LYN: variants seen among roughly 807,000 people sequenced by gnomAD.
The protein encoded by LYN is tyrosine-protein kinase Lyn.
Under a neutral mutation model 65.0 loss-of-function variants are expected in LYN, and 12 were observed. The ratio of observed to expected loss-of-function variants is 0.18; its 90% CI spans 0.12 to 0.30. The LOEUF (loss-of-function observed/expected upper bound fraction) is 0.30. Ranked by LOEUF, LYN falls within the 10% of genes least tolerant of loss-of-function variation. The pLI is 1.00. For missense variants in LYN, 380 were observed against 623.2 expected (o/e 0.61, Z 4.16); for synonymous variants, 222 against 221.2 (o/e 1.00, Z -0.03).
intron 1 of LYN, among the ~76,000 whole-genome samples, chr8:55,897,296 C>T (rs760178002): frequency 3.2e-4 from 48 of 152,118 alleles, no homozygotes; most frequent in Non-Finnish European, 5.7e-4. Flanking sequence ...AACAGTAAAG[C>T]TTTCTCTGTT....
At chr8:55,947,550 C>A in intron 3 of LYN, 68 bp from the exon 4 acceptor site, 1 of 1,078,930 alleles carries the variant, frequency 9.3e-7, no homozygotes, top group Non-Finnish European at 1.4e-6. Flanking sequence ...TCCTTTGTGC[C>A]CCATGAGGTT....
chr8:55,949,669 A>G (rs1806886331), intron 4 of LYN, among the ~76,000 whole-genome samples: 1 of 152,224 alleles, frequency 6.6e-6, no homozygotes, highest in Admixed American at 6.5e-5. Flanking sequence ...CATATCCATC[A>G]TCTGGAACAT....
chr8:55,918,327 G>A (rs1273003362), intron 1 of LYN, among the ~76,000 whole-genome samples: 3 of 152,154 alleles, frequency 2.0e-5, no homozygotes, highest in South Asian at 2.1e-4. Context: ...CCATGCAGAA[G>A]CCTATGTGTT....
intron 1 of LYN, among the ~76,000 whole-genome samples, chr8:55,898,132 C>T (rs1009566628): frequency 6.6e-6 from 1 of 150,858 alleles, no homozygotes; most frequent in Non-Finnish European, 1.5e-5. Context: ...CACCCTCCCC[C>T]CAAAAAAAAA....
chr8:56,009,977 C>T lies in LYN; in HGVS notation c.1406C>T (p.Pro469Leu). The part of the protein sequence containing the change: ...GYRMPRVENC[P>L]DELYDIMKMC... ...AGGATGCCCCGTGTGGAGAACTGCC[C>T]AGATGAGCTCTATGACATTATGAAA... The change falls in exon 13 of 13, where the codon CCA becomes CTA. Residue 469 changes from proline to leucine, a missense_variant. Physicochemically the swap from Pro to Leu is moderately conservative, Grantham distance 98 (BLOSUM62 -3). Transcript: ENST00000519728. 6.2e-7 allele frequency: 1 copy of T among 1,614,002 alleles called. No individual in the cohort carries two copies. Among genetic ancestry groups the T allele is most frequent in the Non-Finnish European group, 8.5e-7 (1 of 1,179,930 alleles).
intron 2 of LYN, among the ~76,000 whole-genome samples, chr8:55,942,309 GTGTATATA>G (rs1806634967): frequency 6.9e-6 from 1 of 145,194 alleles, no homozygotes; most frequent in African/African-American, 2.6e-5. Flanking sequence ...GTGTATATAT[GTGTATATA>G]TGTATATATA....
At chr8:55,932,671 C>T (rs1249476031) in intron 1 of LYN, among the ~76,000 whole-genome samples, 14 of 152,092 alleles carry the variant, frequency 9.2e-5, no homozygotes, top group African/African-American at 2.7e-4. Context: ...TCCTCCTGCC[C>T]GGGCCTCCCA....
At chr8:55,890,670 G>A (rs1804931271) in intron 1 of LYN, among the ~76,000 whole-genome samples, 1 of 151,788 alleles carries the variant, frequency 6.6e-6, no homozygotes, top group South Asian at 2.1e-4. Context: ...CCAAGAATTA[G>A]AAGTAACTCA....
intron 12 of LYN, among the ~76,000 whole-genome samples, chr8:56,002,547 AGCCAAGATT>A (rs1188313256): frequency 6.6e-6 from 1 of 151,726 alleles, no homozygotes; most frequent in African/African-American, 2.4e-5. Flanking sequence ...GGTTGCAGTG[AGCCAAGATT>A]GCACCACTGC....
At chr8:55,895,599 G>C (rs1172725554) in intron 1 of LYN, 1 of 152,074 alleles carries the variant, frequency 6.6e-6, no homozygotes, top group African/African-American at 2.4e-5. Flanking sequence ...AGACCAGGCT[G>C]GGCATCATAG....
Position 56,010,113 on chromosome 8 carries a change from C to T in LYN, c.*3C>T. ...GGCAATACCAGCAGCAGCCTTAGAG[C>T]ACAGGGAGACCCGTCCATTTGGCAG... is the stretch of plus-strand genomic sequence containing the variant. On this transcript the variant is annotated 3_prime_UTR_variant, in exon 13 of 13. Coordinates refer to ENST00000519728, the MANE Select transcript of LYN (RefSeq NM_002350.4). The T allele has an allele frequency of 6.2e-7, 1 of 1,614,034 alleles. No homozygotes were observed.
At chr8:55,958,180 T>C (rs1807175177) in intron 8 of LYN, among the ~76,000 whole-genome samples, 1 of 152,182 alleles carries the variant, frequency 6.6e-6, no homozygotes, top group South Asian at 2.1e-4. Flanking sequence ...CTTAAGAACA[T>C]TGGTCCTTTC....
At chr8:55,881,159 T>C (rs1321095670) in intron 1 of LYN, among the ~76,000 whole-genome samples, 2 of 152,222 alleles carry the variant, frequency 1.3e-5, no homozygotes, top group Non-Finnish European at 2.9e-5. Flanking sequence ...CTGTTATTTA[T>C]TGCAGTGAAT....
chr8:55,993,485 A>C (rs914685314), intron 10 of LYN, among the ~76,000 whole-genome samples: 1 of 152,216 alleles, frequency 6.6e-6, no homozygotes, highest in Non-Finnish European at 1.5e-5. Context: ...TGGGTCTGAC[A>C]TTCTGGAGTG....
intron 1 of LYN, among the ~76,000 whole-genome samples, chr8:55,937,202 C>G (rs781506378): frequency 1.3e-4 from 20 of 152,150 alleles, no homozygotes; most frequent in Non-Finnish European, 1.5e-4. Context: ...CACAAGTGGA[C>G]TTTAGAACCT....
In LYN at chr8:55,994,757, AG is replaced by A. The variant is rs1376572557; in HGVS notation, c.1051-3587del. ...GTTTATATATAATTATTGGAATGTT[AG>A]GTAGATAAGTGTCTAAGAGCTAAGA... On this transcript the variant is annotated intron_variant, in intron 10 of 12. Coordinates refer to ENST00000519728, the MANE Select transcript of LYN (RefSeq NM_002350.4). Among the ~76,000 whole-genome samples the A allele has an allele frequency of 3.3e-5, 5 of 152,284 alleles. No homozygotes were observed. In the East Asian group the frequency reaches 9.7e-4, roughly 29 times the overall value.
intron 10 of LYN, among the ~76,000 whole-genome samples, chr8:55,985,582 A>G (rs1174491293): frequency 6.6e-6 from 1 of 152,198 alleles, no homozygotes; most frequent in East Asian, 1.9e-4. Flanking sequence ...TTCTTTTCAG[A>G]ATAACACACA....
At chr8:55,977,901 C>T (rs949690121) in intron 10 of LYN, among the ~76,000 whole-genome samples, 1 of 152,130 alleles carries the variant, frequency 6.6e-6, no homozygotes, top group Non-Finnish European at 1.5e-5. Context: ...GCCTAGGTGA[C>T]AGAGCAAGAC....
intron 1 of LYN, among the ~76,000 whole-genome samples, chr8:55,924,640 A>T (rs1806048933): frequency 6.6e-6 from 1 of 152,102 alleles, no homozygotes; most frequent in Non-Finnish European, 1.5e-5. Context: ...CTGAGATTAC[A>T]CGCATGAGCC....
Sources: gnomAD v4.1 joint callset for allele counts (sites outside exome capture counted in the v4.1 genomes callset) on GRCh38, gnomAD v4.1.1 for gene constraint, MANE v1.5 for transcripts, NCBI Gene and HGNC (gene_info 2026-07-23, HGNC 2026-07-21) for gene names.